The following MTAP variants were observed in gnomAD, a reference collection of about 807,000 sequenced individuals.
The protein encoded by MTAP is methylthioadenosine phosphorylase.
In MTAP, 33 loss-of-function variants were observed where a neutral mutation model predicts 33.6. That is an observed-to-expected ratio of 0.98 (90% CI 0.74 to 1.31). The LOEUF (loss-of-function observed/expected upper bound fraction) is 1.31, where lower values mean the gene tolerates loss of function less well. Ranked by LOEUF, MTAP falls within the 40% of genes most tolerant of loss-of-function variation. MTAP has a pLI of 0.00. For synonymous variants in MTAP, 148 were observed against 125.7 expected, an observed-to-expected ratio of 1.18 and a Z score of -1.19; for missense variants, 367 against 360.0, an observed-to-expected ratio of 1.02 and a Z score of -0.16.
intron 5 of MTAP, among the ~76,000 whole-genome samples, chr9:21,842,422 T>C (rs1260858628): frequency 6.6e-6 from 1 of 152,160 alleles, no homozygotes; most frequent in Non-Finnish European, 1.5e-5. Context: ...GGGAAATTTA[T>C]TGCAAAAAGA....
rs553032363 is a variant in MTAP at position 21,899,222 on chromosome 9, G to A, written c.148-31786G>A. ...CACAGGAAGGGGAACATCACACACC[G>A]GGGCCTGTTGTGGGGTGGGGGGAGG... is the stretch of plus-strand genomic sequence containing the variant. On this transcript the variant is annotated intron_variant, in intron 1 of 1. Transcript: ENST00000577563. Among the ~76,000 whole-genome samples, 6 of 129,162 alleles carry A rather than the reference G, an allele frequency of 4.6e-5. No individual in the cohort carries two copies. The South Asian group carries it at 9.3e-4, about 20-fold the overall frequency. The allele number at this position is 129,162 out of a possible 152,430, so 84.7% of individuals were successfully genotyped here.
intron 4 of MTAP, among the ~76,000 whole-genome samples, chr9:21,824,236 T>C (rs1047806431): frequency 1.3e-5 from 2 of 152,244 alleles, no homozygotes; most frequent in African/African-American, 4.8e-5. Context: ...TGTGGTTTTA[T>C]CTACCTTTGG....
At chr9:21,900,175 C>A (rs144851931) in intron 1 of MTAP, among the ~76,000 whole-genome samples, 1 of 152,114 alleles carries the variant, frequency 6.6e-6, no homozygotes, top group Non-Finnish European at 1.5e-5. Flanking sequence ...CAAAAATTGA[C>A]AAGTGGGACC....
At chr9:21,832,902 C>G (rs149567816) in intron 4 of MTAP, among the ~76,000 whole-genome samples, 1 of 152,288 alleles carries the variant, frequency 6.6e-6, no homozygotes, top group African/African-American at 2.4e-5. Context: ...CTACCTTATC[C>G]TTCCCTTTTA....
Position 21,802,672 on chromosome 9 carries a change from C to T in MTAP, c.-77C>T. On this transcript the variant is annotated 5_prime_UTR_variant, in exon 1 of 8. Transcript: ENST00000644715. The stretch of plus-strand genomic sequence containing the variant: ...TCACTCCCGCGCAGTGAGGTTGGCA[C>T]AGCCACCGCTCTGTGGCTCGCTTGG... The T allele has an allele frequency of 6.4e-7, 1 of 1,559,792 alleles. No homozygotes were observed. The highest frequency in any genetic ancestry group is 8.8e-7 in the Non-Finnish European group (1 of 1,137,006).
At chr9:21,815,721 G>A in intron 2 of MTAP, 1 of 550,350 alleles carries the variant, frequency 1.8e-6, no homozygotes, top group Non-Finnish European at 3.2e-6. Context: ...ACACTTTGAT[G>A]TTTTGAGAAA....
rs144269261 is a variant in MTAP, at chr9:21,836,841, A to C, written c.348-1067A>C. Reference sequence around the variant, plus strand: ...TAATGCCACTGTTTAGTGTGTGATGAACTAGAAGTAACAGGTTAATTTTGG... The same window carrying C: ...TAATGCCACTGTTTAGTGTGTGATGCACTAGAAGTAACAGGTTAATTTTGG... On this transcript the variant is annotated intron_variant, in intron 4 of 7. Coordinates refer to ENST00000644715, the MANE Select transcript of MTAP (RefSeq NM_002451.4). 8.1e-3 allele frequency among the ~76,000 whole-genome samples: 1,226 copies of C among 152,248 alleles called. 8 individuals carry two copies. The highest frequency in any genetic ancestry group is 0.011 in the Non-Finnish European group (777 of 68,018).
At position 21,895,485 on chromosome 9, in the gene MTAP, G is replaced by A. The variant is rs181255436; in HGVS notation, c.148-35523G>A. ...ATCTCACTGGGGCTTGTCAGACAGT[G>A]GGTGCAGCCCACAGAGCAGGGCCGG... is the stretch of plus-strand genomic sequence containing the variant. On this transcript the variant is annotated intron_variant, in intron 1 of 1. Coordinates refer to the MTAP transcript ENST00000577563. 5.3e-5 allele frequency among the ~76,000 whole-genome samples: 8 copies of A among 152,324 alleles called. No individual in the cohort carries two copies. The East Asian group carries it at 1.5e-3, about 29-fold the overall frequency.
intron 1 of MTAP, among the ~76,000 whole-genome samples, chr9:21,909,114 T>A (rs925463464): frequency 1.3e-5 from 2 of 152,104 alleles, no homozygotes; most frequent in African/African-American, 4.8e-5. Context: ...TCTTTCATCA[T>A]TCCTTTTCTG....
chr9:21,854,994 T>C (rs2118515641), intron 6 of MTAP, 124 bp downstream of exon 6: 2 of 1,305,568 alleles, frequency 1.5e-6, no homozygotes, highest in Non-Finnish European at 2.1e-6. Flanking sequence ...TTGAAGTTGT[T>C]AATATTTTCT....
intron 1 of MTAP, chr9:21,930,725 G>T: frequency 1.5e-6 from 1 of 654,990 alleles, no homozygotes; most frequent in East Asian, 2.8e-5. Flanking sequence ...ATATGTTAAT[G>T]GCAGCACAGG....
intron 2 of MTAP, among the ~76,000 whole-genome samples, chr9:21,816,376 C>A (rs1007872700): frequency 4.6e-5 from 7 of 152,148 alleles, no homozygotes; most frequent in African/African-American, 1.4e-4. Context: ...CTGCCTTTCA[C>A]CTTCACACCT....
intron 4 of MTAP, among the ~76,000 whole-genome samples, chr9:21,821,965 C>T (rs955693582): frequency 1.5e-4 from 23 of 152,170 alleles, no homozygotes; most frequent in African/African-American, 2.6e-4. Flanking sequence ...TCTGTGGGAT[C>T]GGTGGTGATA....
chr9:21,888,140 T>C (rs1235559133), intron 1 of MTAP, among the ~76,000 whole-genome samples: 1 of 152,164 alleles, frequency 6.6e-6, no homozygotes, highest in African/African-American at 2.4e-5. Flanking sequence ...TGAGGATTCC[T>C]TTTGGAGTTG....
At chr9:21,818,784 G>A (rs997728578) in intron 4 of MTAP, among the ~76,000 whole-genome samples, 1 of 152,182 alleles carries the variant, frequency 6.6e-6, no homozygotes, top group Admixed American at 6.5e-5. Context: ...CTTTAGTGGT[G>A]AGAACATTTG....
At chr9:21,853,977 G>C (rs1294595509) in intron 5 of MTAP, among the ~76,000 whole-genome samples, 1 of 152,116 alleles carries the variant, frequency 6.6e-6, no homozygotes, top group Admixed American at 6.6e-5. Context: ...CTGGAGAAAA[G>C]GATCGAACTT....
At chr9:21,821,506 G>A (rs1824638171) in intron 4 of MTAP, among the ~76,000 whole-genome samples, 1 of 152,196 alleles carries the variant, frequency 6.6e-6, no homozygotes, top group African/African-American at 2.4e-5. Context: ...GCTTTTTGAT[G>A]TGCTGCTGGA....
At chr9:21,889,985 T>C (rs1325585241) in intron 1 of MTAP, among the ~76,000 whole-genome samples, 2 of 152,134 alleles carry the variant, frequency 1.3e-5, no homozygotes, top group Non-Finnish European at 2.9e-5. Context: ...TCTCAGGTGA[T>C]AGGAAAGACC....
intron 1 of MTAP, among the ~76,000 whole-genome samples, chr9:21,899,363 C>A (rs886988560): frequency 5.4e-5 from 8 of 147,598 alleles, no homozygotes; most frequent in African/African-American, 2.0e-4. Flanking sequence ...GCATATGTAC[C>A]GCATAACTTA....
Sources: allele counts gnomAD v4.1 joint callset (sites outside exome capture counted in the v4.1 genomes callset), GRCh38; gene constraint gnomAD v4.1.1; transcripts MANE v1.5; gene names NCBI Gene and HGNC (gene_info 2026-07-23, HGNC 2026-07-21).